The following LBH variants were observed in gnomAD, a reference collection of about 807,000 sequenced individuals.
LBH encodes protein LBH.
LBH carries 7 observed loss-of-function variants against 12.5 expected under a neutral mutation model. That is an observed-to-expected ratio of 0.56 (90% CI 0.32 to 1.05). LBH has a LOEUF of 1.05. LBH is among the 50% of genes least tolerant of loss of function. The probability of loss-of-function intolerance (pLI) is 0.04; values close to 1 mark genes in which losing one functional copy is unlikely to be tolerated. For synonymous variants in LBH, 51 were observed against 50.1 expected, an observed-to-expected ratio of 1.02 and a Z score of -0.08; for missense variants, 119 against 138.9, an observed-to-expected ratio of 0.86 and a Z score of 0.72.
At position 30,258,090 on chromosome 2, in the gene LBH, C is replaced by G; in HGVS notation, c.*469C>G. The G allele has an allele frequency of 6.4e-6, 1 of 156,512 alleles. No homozygotes were observed. The highest frequency in any genetic ancestry group is 1.9e-4 in the East Asian group (1 of 5,220). The allele number at this position is 156,512 out of a possible 1,614,324, so 9.7% of individuals were successfully genotyped here. On this transcript the variant is annotated 3_prime_UTR_variant, in exon 3 of 3. Transcript: ENST00000395323. Reference sequence around the variant, plus strand: ...GAAAACATTGAGCAGAGAACTGCAGCCAGGATGCGCTCAGCAGACATTCAC... The same window carrying G: ...GAAAACATTGAGCAGAGAACTGCAGGCAGGATGCGCTCAGCAGACATTCAC...
At chr2:30,232,547 G>T in intron 1 of LBH, 1 of 196,012 alleles carries the variant, frequency 5.1e-6, no homozygotes, top group Non-Finnish European at 1.0e-5. Flanking sequence ...TGGGTTAGAG[G>T]AGAAGCGGCC....
intron 2 of LBH, among the ~76,000 whole-genome samples, chr2:30,248,860 T>G (rs896562891): frequency 3.6e-4 from 55 of 152,196 alleles, no homozygotes; most frequent in African/African-American, 1.3e-3. Context: ...TGAAAGATGG[T>G]GTTTATCCAA....
intron 2 of LBH, among the ~76,000 whole-genome samples, chr2:30,242,782 A>T (rs1018246375): frequency 1.4e-4 from 21 of 152,210 alleles, no homozygotes; most frequent in African/African-American, 5.1e-4. Flanking sequence ...TCTATTATGT[A>T]ACATTTCTTA....
chr2:30,232,267 A>G, intron 1 of LBH: 3 of 1,506,838 alleles, frequency 2.0e-6, no homozygotes, highest in Non-Finnish European at 2.7e-6. Flanking sequence ...CTCTCCCCAC[A>G]CGTAACCCCA....
rs904985587 is a variant in LBH at position 30,231,535 on chromosome 2, C to T, written c.-204C>T. The stretch of plus-strand genomic sequence containing the variant: ...ACGGCTTCCCGGGCTCTTTGTGGGG[C>T]TGAGTGCTCAGTGGAGAGCGGGGAG... On this transcript the variant is annotated 5_prime_UTR_variant, in exon 1 of 3. Coordinates refer to ENST00000395323, the MANE Select transcript of LBH (RefSeq NM_030915.4). The T allele has an allele frequency of 2.1e-5, 12 of 579,756 alleles. No homozygotes were observed. Among genetic ancestry groups the T allele is most frequent in the African/African-American group, 8.1e-5 (4 of 49,218 alleles). 35.9% of individuals were successfully genotyped at this position (579,756 alleles called of 1,614,324 possible). A position where few individuals can be genotyped will look rare whatever the true frequency, so the allele number is the denominator to read the frequency against.
chr2:30,248,714 C>T (rs942920507), intron 2 of LBH, among the ~76,000 whole-genome samples: 1 of 152,110 alleles, frequency 6.6e-6, no homozygotes, highest in Non-Finnish European at 1.5e-5. Flanking sequence ...CTCACTGCCC[C>T]GGAGAAAAAA....
At chr2:30,236,411 C>T (rs1437137698) in intron 2 of LBH, among the ~76,000 whole-genome samples, 2 of 152,214 alleles carry the variant, frequency 1.3e-5, no homozygotes, top group African/African-American at 2.4e-5. Flanking sequence ...CACATCTTCC[C>T]TTGTGGTGCT....
chr2:30,235,486 C>T (rs1374833567), intron 2 of LBH, among the ~76,000 whole-genome samples: 1 of 152,078 alleles, frequency 6.6e-6, no homozygotes. Flanking sequence ...CACATCTTAC[C>T]ACAGCTCCCA....
chr2:30,249,293 G>A (rs193115857), intron 2 of LBH, among the ~76,000 whole-genome samples: 2 of 152,224 alleles, frequency 1.3e-5, no homozygotes, highest in Non-Finnish European at 2.9e-5. Context: ...TTGTTAGGGG[G>A]CAAAGAACAG....
chr2:30,237,898 T>C (rs1677715613), intron 2 of LBH, among the ~76,000 whole-genome samples: 1 of 152,148 alleles, frequency 6.6e-6, no homozygotes, highest in South Asian at 2.1e-4. Context: ...GCAGGCAGGC[T>C]GTGGGTGGCG....
chr2:30,244,735 CTACAACAAA>C (rs897025051), intron 2 of LBH, among the ~76,000 whole-genome samples: 2 of 152,010 alleles, frequency 1.3e-5, no homozygotes, highest in African/African-American at 4.8e-5. Context: ...AACTCCATCT[CTACAACAAA>C]TACAAAAAAA....
intron 2 of LBH, among the ~76,000 whole-genome samples, chr2:30,244,250 T>C (rs1478542592): frequency 6.6e-6 from 1 of 152,198 alleles, no homozygotes; most frequent in Non-Finnish European, 1.5e-5. Flanking sequence ...CCCTCGGGTA[T>C]GGCAGTTGAA....
At chr2:30,244,010 A>G (rs1046676979) in intron 2 of LBH, among the ~76,000 whole-genome samples, 1 of 152,230 alleles carries the variant, frequency 6.6e-6, no homozygotes, top group Non-Finnish European at 1.5e-5. Context: ...TAGGTGCTAT[A>G]CAGACAGCTT....
At chr2:30,241,449 T>C (rs1408205547) in intron 2 of LBH, among the ~76,000 whole-genome samples, 7 of 146,636 alleles carry the variant, frequency 4.8e-5, no homozygotes, top group Non-Finnish European at 1.5e-5. Flanking sequence ...CTATTTTTAT[T>C]TTCTTTCTTT....
At chr2:30,254,956 G>A (rs1200809637) in intron 2 of LBH, among the ~76,000 whole-genome samples, 2 of 152,246 alleles carry the variant, frequency 1.3e-5, no homozygotes, top group East Asian at 3.8e-4. Flanking sequence ...CTCCCTCCCT[G>A]CTCAGTTTTC....
intron 2 of LBH, among the ~76,000 whole-genome samples, chr2:30,236,943 C>T (rs62141149): frequency 0.42 from 63,433 of 151,738 alleles, 14,671 homozygotes; most frequent in Non-Finnish European, 0.51. Context: ...ATGCCAGGGG[C>T]AGGGCTGTGC....
chr2:30,259,975 A>C lies in LBH; in HGVS notation c.*2354A>C, dbSNP rs1678167785. The C allele has an allele frequency of 6.6e-6, 1 of 151,638 alleles. No homozygotes were observed. The highest frequency in any genetic ancestry group is 1.5e-5 in the Non-Finnish European group (1 of 67,806). 9.4% of individuals were successfully genotyped at this position (151,638 alleles called of 1,614,324 possible). ...GAGAAACTAGCATTTTTTTTTTTCC[A>C]AACTACTTTTTGTCACTGTGACAGT... On this transcript the variant is annotated 3_prime_UTR_variant, in exon 3 of 3. Transcript: ENST00000395323.
At chr2:30,250,019 G>A (rs967816549) in intron 2 of LBH, among the ~76,000 whole-genome samples, 5 of 152,140 alleles carry the variant, frequency 3.3e-5, no homozygotes, top group Admixed American at 1.3e-4. Context: ...CATTTTACTC[G>A]GGAGGCAGCT....
In LBH at chr2:30,259,613, C is replaced by T; in HGVS notation, c.*1992C>T. ...TGTGTGATGGGAACATGCTTGTAAA[C>T]TGCGTAACAAATCTACTTTGTGTAT... is the stretch of plus-strand genomic sequence containing the variant. On this transcript the variant is annotated 3_prime_UTR_variant, in exon 3 of 3. Transcript: ENST00000395323. 6.6e-6 allele frequency: 1 copy of T among 152,564 alleles called. No individual in the cohort carries two copies. The highest frequency in any genetic ancestry group is 1.9e-4 in the East Asian group (1 of 5,198). 9.5% of individuals were successfully genotyped at this position (152,564 alleles called of 1,614,324 possible).
Sources: gnomAD v4.1 joint callset for allele counts (sites outside exome capture counted in the v4.1 genomes callset) on GRCh38, gnomAD v4.1.1 for gene constraint, MANE v1.5 for transcripts, NCBI Gene and HGNC (gene_info 2026-07-23, HGNC 2026-07-21) for gene names.